The following STXBP5L variants were observed in gnomAD, a reference collection of about 807,000 sequenced individuals.
The protein encoded by STXBP5L is syntaxin binding protein 5L.
A neutral mutation model predicts 144.5 loss-of-function variants in STXBP5L; 65 were observed. The observed-to-expected ratio is 0.45, with a 90% CI of 0.37 to 0.55. STXBP5L has a LOEUF of 0.55. STXBP5L is among the 20% of genes least tolerant of loss of function. The pLI is 0.00. For synonymous variants in STXBP5L, 505 were observed against 469.6 expected (o/e 1.08, Z -0.97); for missense variants, 1,298 against 1,405.5 (o/e 0.92, Z 1.22).
chr3:121,185,309 C>A (rs1169876302), intron 9 of STXBP5L, among the ~76,000 whole-genome samples: 1 of 152,106 alleles, frequency 6.6e-6, no homozygotes, highest in Non-Finnish European at 1.5e-5. Context: ...TAATTAGATC[C>A]CATTTGTCAA....
Position 120,990,817 on chromosome 3 carries a change from A to G in STXBP5L, c.287+35780A>G, listed in dbSNP as rs538275903. 7.7e-4 allele frequency among the ~76,000 whole-genome samples: 118 copies of G among 152,342 alleles called. 1 individual carries two copies. Among genetic ancestry groups the G allele is most frequent in the African/African-American group, 2.7e-3 (112 of 41,578 alleles). ...ACTGGATCCCTTCCTTACACGTTAT[A>G]CAAAAATTAATTCAAGATGGATTAA... On this transcript the variant is annotated intron_variant, in intron 3 of 26. Coordinates refer to ENST00000471454, the MANE Select transcript of STXBP5L (RefSeq NM_001308330.2).
chr3:121,286,113 A>C (rs1486500314), intron 19 of STXBP5L, among the ~76,000 whole-genome samples: 1 of 152,188 alleles, frequency 6.6e-6, no homozygotes, highest in African/African-American at 2.4e-5. Flanking sequence ...AGAATTGTCT[A>C]CATTGCTTGT....
At chr3:121,131,296 G>A (rs1577029833) in intron 7 of STXBP5L, among the ~76,000 whole-genome samples, 1 of 152,182 alleles carries the variant, frequency 6.6e-6, no homozygotes, top group Middle Eastern at 3.4e-3. Context: ...CATAAAATGG[G>A]TAATCCCATA....
intron 23 of STXBP5L, among the ~76,000 whole-genome samples, chr3:121,412,727 C>CAAAAAAAAAAAAAAAAAAAAAA (rs35247157): frequency 1.3e-4 from 9 of 69,592 alleles, no homozygotes; most frequent in African/African-American, 1.8e-4. Context: ...TTTCTCCCTC[C>CAAAAAAAAAAAAAAAAAAAAAA]AAAAAAAAAA....
intron 9 of STXBP5L, among the ~76,000 whole-genome samples, chr3:121,170,904 G>A (rs530537248): frequency 1.3e-5 from 2 of 152,206 alleles, no homozygotes; most frequent in South Asian, 2.1e-4. Flanking sequence ...AAAATTTCAG[G>A]CCAATATCCC....
At chr3:121,041,897 A>G (rs953411467) in intron 4 of STXBP5L, 116 bp downstream of exon 4, 17 of 627,138 alleles carry the variant, frequency 2.7e-5, no homozygotes, top group African/African-American at 2.5e-4. Context: ...TGCATGCAAT[A>G]TTACTTCTGA....
chr3:121,037,050 C>T (rs1479375778), intron 3 of STXBP5L, among the ~76,000 whole-genome samples: 1 of 152,012 alleles, frequency 6.6e-6, no homozygotes, highest in Non-Finnish European at 1.5e-5. Context: ...CTTAAGCCTG[C>T]TGAGTAGCTG....
intron 3 of STXBP5L, among the ~76,000 whole-genome samples, chr3:120,969,231 C>G (rs1182977930): frequency 1.3e-5 from 2 of 151,828 alleles, no homozygotes; most frequent in Non-Finnish European, 2.9e-5. Flanking sequence ...TAATTTATAG[C>G]CATGCTTGCA....
chr3:121,078,467 C>T (rs1213450636), intron 5 of STXBP5L, among the ~76,000 whole-genome samples: 2 of 152,268 alleles, frequency 1.3e-5, no homozygotes, highest in Admixed American at 6.5e-5. Flanking sequence ...CCGCTGTCGT[C>T]ACCCAGTGGA....
chr3:120,971,844 A>G (rs1262036905), intron 3 of STXBP5L, among the ~76,000 whole-genome samples: 2 of 151,636 alleles, frequency 1.3e-5, no homozygotes, highest in Non-Finnish European at 2.9e-5. Context: ...ATAATATACT[A>G]TTATAATATC....
intron 3 of STXBP5L, among the ~76,000 whole-genome samples, chr3:121,022,933 G>C (rs545491659): frequency 6.6e-5 from 10 of 151,964 alleles, no homozygotes; most frequent in Non-Finnish European, 1.5e-4. Context: ...AAGAAAGAAA[G>C]GGCATCCAAA....
chr3:120,985,797 G>C (rs1456440990), intron 3 of STXBP5L, among the ~76,000 whole-genome samples: 1 of 151,682 alleles, frequency 6.6e-6, no homozygotes, highest in Non-Finnish European at 1.5e-5. Flanking sequence ...TTAGTAATTT[G>C]AGTCTTCTCT....
chr3:121,109,794 T>G (rs965263902), intron 5 of STXBP5L, among the ~76,000 whole-genome samples: 1 of 152,190 alleles, frequency 6.6e-6, no homozygotes, highest in African/African-American at 2.4e-5. Flanking sequence ...GTCAATGATC[T>G]AATATTGACA....
rs1392722993 is a variant in STXBP5L, at chr3:121,412,745, A to C, written c.2949-413A>C. On this transcript the variant is annotated intron_variant, in intron 23 of 26. Coordinates refer to ENST00000471454, the MANE Select transcript of STXBP5L (RefSeq NM_001308330.2). ...CTCCCTCCAAAAAAAAAAAAAAAAA[A>C]AAAACAAAAGAAAAAGAAAAAAAGA... is the stretch of plus-strand genomic sequence containing the variant. Among the ~76,000 whole-genome samples the C allele has an allele frequency of 6.7e-5, 10 of 148,448 alleles. No homozygotes were observed. In the South Asian group the frequency reaches 8.3e-4, roughly 12 times the overall value.
intron 9 of STXBP5L, among the ~76,000 whole-genome samples, chr3:121,198,834 A>G (rs540999211): frequency 1.3e-5 from 2 of 152,022 alleles, no homozygotes; most frequent in Non-Finnish European, 2.9e-5. Flanking sequence ...GTTCTGTTTC[A>G]TTGGTCTATA....
Position 121,114,990 on chromosome 3 carries a change from C to T in STXBP5L, c.536C>T (p.Thr179Ile). The stretch of plus-strand genomic sequence containing the variant: ...TATGTTGGAACAGAAAGAGGAAATA[C>T]ACATATTGTAAATATTGAATCTTTC... ...WLYVGTERGN[T>I]HIVNIESFIL... is the part of the protein sequence containing the mutation. The change falls in exon 6 of 27, where the codon ACA becomes ATA. Residue 179 changes from threonine (T) to isoleucine (I), a missense_variant. By Grantham distance (89) the Thr-to-Ile change is moderately conservative. Transcript: ENST00000471454. The T allele has an allele frequency of 6.2e-7, 1 of 1,601,090 alleles. No homozygotes were observed. The highest frequency in any genetic ancestry group is 8.5e-7 in the Non-Finnish European group (1 of 1,174,732).
At chr3:121,161,361 C>T (rs555360347) in intron 9 of STXBP5L, among the ~76,000 whole-genome samples, 104 of 151,586 alleles carry the variant, frequency 6.9e-4, no homozygotes, top group African/African-American at 2.4e-3. Flanking sequence ...ACATGATCTT[C>T]TGCCTTCCAT....
chr3:121,137,412 C>G (rs1050170705), intron 7 of STXBP5L, among the ~76,000 whole-genome samples: 2 of 151,970 alleles, frequency 1.3e-5, no homozygotes, highest in African/African-American at 4.8e-5. Flanking sequence ...CAATTTTATG[C>G]CAACAGATTG....
chr3:121,077,567 T>C (rs1188397767), intron 5 of STXBP5L, among the ~76,000 whole-genome samples: 1 of 152,010 alleles, frequency 6.6e-6, no homozygotes, highest in Non-Finnish European at 1.5e-5. Context: ...GCTTCCACAG[T>C]GTGGAAGGGG....
Sources: gnomAD v4.1 joint callset for allele counts (sites outside exome capture counted in the v4.1 genomes callset) on GRCh38, gnomAD v4.1.1 for gene constraint, MANE v1.5 for transcripts, NCBI Gene and HGNC (gene_info 2026-07-23, HGNC 2026-07-21) for gene names.